Variants in ARFGEF1 observed in about 807,000 individuals in gnomAD.
ARFGEF1 encodes ARF guanine nucleotide exchange factor 1, also known as brefeldin A-inhibited guanine nucleotide-exchange protein 1.
In ARFGEF1, 42 loss-of-function variants were observed where a neutral mutation model predicts 231.0. That is an observed-to-expected ratio of 0.18 (90% CI 0.14 to 0.24). The LOEUF (loss-of-function observed/expected upper bound fraction) is 0.24. Ranked by LOEUF, ARFGEF1 falls within the 10% of genes least tolerant of loss-of-function variation. The pLI, the probability that ARFGEF1 is intolerant of heterozygous loss-of-function variation, is 1.00. For missense variants in ARFGEF1, 1,345 were observed against 2,192.0 expected (o/e 0.61, Z 7.72); for synonymous variants, 710 against 732.3 (o/e 0.97, Z 0.49).
chr8:67,279,091 C>A (rs1805429306), intron 7 of ARFGEF1, among the ~76,000 whole-genome samples: 2 of 151,922 alleles, frequency 1.3e-5, no homozygotes, highest in Admixed American at 6.6e-5. Context: ...TAGTGAGACA[C>A]CATTGCTACA....
intron 1 of ARFGEF1, among the ~76,000 whole-genome samples, chr8:67,311,050 A>G (rs1465004664): frequency 3.6e-5 from 4 of 112,378 alleles, no homozygotes; most frequent in East Asian, 3.0e-4. Context: ...CTGCCCGGCC[A>G]CCCCTACTGG....
Position 67,271,685 on chromosome 8 carries a change from C to T in ARFGEF1, c.1572+17G>A, listed in dbSNP as rs553028757. ...GAAATATCCAATAGTAACATTATGC[C>T]TAAATGCAAAACGTACCTCAATTTG... is the stretch of plus-strand genomic sequence containing the variant. On this transcript the variant is annotated intron_variant, in intron 10 of 38. Transcript: ENST00000262215. 4.5e-6 allele frequency: 7 copies of T among 1,548,904 alleles called. No individual in the cohort carries two copies. Among genetic ancestry groups the T allele is most frequent in the African/African-American group, 4.1e-5 (3 of 73,188 alleles).
chr8:67,333,105 A>G (rs1485606619), intron 1 of ARFGEF1, among the ~76,000 whole-genome samples: 1 of 149,362 alleles, frequency 6.7e-6, no homozygotes, highest in Non-Finnish European at 1.5e-5. Context: ...GCGCAATCTC[A>G]GCTTACTGCA....
chr8:67,228,148 AT>A lies in ARFGEF1; in HGVS notation c.3422-17del, dbSNP rs202087758. The A allele has an allele frequency of 4.8e-3, 6,293 of 1,323,968 alleles. 5 individuals carry two copies. Among genetic ancestry groups the A allele is most frequent in the South Asian group, 0.019 (1,297 of 68,800 alleles). 82.0% of individuals were successfully genotyped at this position (1,323,968 alleles called of 1,614,324 possible). A position where few individuals can be genotyped will look rare whatever the true frequency, so the allele number is the denominator to read the frequency against. On this transcript the variant is annotated splice_polypyrimidine_tract_variant and intron_variant, in intron 24 of 38. Transcript: ENST00000262215. ...ACAAAATCCACTGTAATATAAATACATTTTTTTTTTAGCTCAACATTAAAGT... is the reference window on the plus strand; with the variant it reads ...ACAAAATCCACTGTAATATAAATACATTTTTTTTTAGCTCAACATTAAAGT...
chr8:67,303,736 A>C (rs1806609394), intron 1 of ARFGEF1, among the ~76,000 whole-genome samples: 1 of 151,792 alleles, frequency 6.6e-6, no homozygotes, highest in Non-Finnish European at 1.5e-5. Context: ...AAAAATAATA[A>C]TTAATTAATA....
At chr8:67,201,680 C>A in intron 36 of ARFGEF1, 75 bp from the exon 37 acceptor site, 1 of 1,582,994 alleles carries the variant, frequency 6.3e-7, no homozygotes, top group Non-Finnish European at 8.6e-7. Context: ...CGTATGGAGG[C>A]ACATTTTGTT....
At chr8:67,233,831 A>C (rs1839630406) in intron 22 of ARFGEF1, among the ~76,000 whole-genome samples, 1 of 152,002 alleles carries the variant, frequency 6.6e-6, no homozygotes. Flanking sequence ...CCATCCCTCA[A>C]CTATCTAAAA....
chr8:67,302,973 C>CGCTA (rs1806567807), intron 1 of ARFGEF1, among the ~76,000 whole-genome samples: 1 of 149,934 alleles, frequency 6.7e-6, no homozygotes, highest in African/African-American at 2.5e-5. Context: ...GCCTACAGTC[C>CGCTA]TAGCTATGTG....
At chr8:67,258,472 CTGCT>C (rs1356523678) in intron 15 of ARFGEF1, among the ~76,000 whole-genome samples, 182 bp from the exon 16 acceptor site, 3 of 151,992 alleles carry the variant, frequency 2.0e-5, no homozygotes, top group African/African-American at 7.2e-5. Flanking sequence ...TTAAAGGCGC[CTGCT>C]ACTGCGCCCA....
Position 67,259,795 on chromosome 8 carries a change from A to T in ARFGEF1, c.2235+20T>A. The T allele has an allele frequency of 6.6e-7, 1 of 1,506,242 alleles. No homozygotes were observed. The allele number at this position is 1,506,242 out of a possible 1,614,324, so 93.3% of individuals were successfully genotyped here. A position where few individuals can be genotyped will look rare whatever the true frequency, so the allele number is the denominator to read the frequency against. The stretch of plus-strand genomic sequence containing the variant: ...CCAAGAATTTTACAGAAAAGGTTAG[A>T]ATGAAAATGGTATTCTTACAGAGTC... On this transcript the variant is annotated intron_variant, in intron 15 of 38. Coordinates refer to ENST00000262215, the MANE Select transcript of ARFGEF1 (RefSeq NM_006421.5).
At chr8:67,322,306 G>A (rs1162167561) in intron 1 of ARFGEF1, among the ~76,000 whole-genome samples, 2 of 152,030 alleles carry the variant, frequency 1.3e-5, no homozygotes, top group Admixed American at 6.6e-5. Flanking sequence ...GGGTTTATTC[G>A]GCTATTCATG....
chr8:67,242,554 C>T (rs1839963383), intron 19 of ARFGEF1, among the ~76,000 whole-genome samples: 1 of 152,172 alleles, frequency 6.6e-6, no homozygotes, highest in Non-Finnish European at 1.5e-5. Flanking sequence ...AGAGTGATAT[C>T]CAGATAGTAC....
rs1228384184 is a variant in ARFGEF1, at chr8:67,238,756, A to G, written c.3117T>C (p.Tyr1039=). The G allele has an allele frequency of 4.6e-5, 75 of 1,613,636 alleles. No individual in the cohort carries two copies. Among genetic ancestry groups the G allele is most frequent in the Non-Finnish European group, 6.0e-5 (71 of 1,179,848 alleles). Residue 1039 remains tyrosine (Y), a synonymous_variant, in exon 21 of 39, where the codon TAT becomes TAC. Coordinates refer to ENST00000262215, the MANE Select transcript of ARFGEF1 (RefSeq NM_006421.5). The part of the protein sequence containing the change: ...LITVAHTDGN[Y]LGNSWHEILK... ...ATACCTCATGCCATGAATTTCCTAA[A>G]TAATTTCCATCTGTATGAGCCACTG...
chr8:67,211,087 T>A (rs1838726323), intron 34 of ARFGEF1, among the ~76,000 whole-genome samples: 1 of 146,774 alleles, frequency 6.8e-6, no homozygotes, highest in Non-Finnish European at 1.5e-5. Context: ...TGGCTCACAC[T>A]GTAATCCCAG....
intron 17 of ARFGEF1, among the ~76,000 whole-genome samples, chr8:67,254,567 C>T (rs905313822): frequency 6.6e-5 from 10 of 151,982 alleles, no homozygotes; most frequent in South Asian, 4.1e-4. Flanking sequence ...GTTATGTGCC[C>T]GTAGTCCCAA....
chr8:67,225,666 G>T (rs983772910), intron 28 of ARFGEF1, among the ~76,000 whole-genome samples: 2 of 152,120 alleles, frequency 1.3e-5, no homozygotes, highest in Non-Finnish European at 2.9e-5. Context: ...AACACAGGCT[G>T]GGGCTCAAAC....
At chr8:67,228,366 G>T (rs950157048) in intron 23 of ARFGEF1, 102 bp from the exon 24 acceptor site, 7 of 1,139,126 alleles carry the variant, frequency 6.1e-6, no homozygotes, top group Admixed American at 2.4e-5. Flanking sequence ...ATGTTTTAAG[G>T]GAACAAAAAA....
chr8:67,283,529 A>G (rs1476377244), intron 7 of ARFGEF1, among the ~76,000 whole-genome samples: 1 of 152,172 alleles, frequency 6.6e-6, no homozygotes, highest in Non-Finnish European at 1.5e-5. Context: ...AATTATTTAA[A>G]AAATTATGTA....
intron 5 of ARFGEF1, among the ~76,000 whole-genome samples, chr8:67,294,289 G>A (rs1806136821): frequency 6.6e-6 from 1 of 152,090 alleles, no homozygotes; most frequent in Non-Finnish European, 1.5e-5. Flanking sequence ...ACTGAGGGAT[G>A]ACTGTAATTA....
Sources: allele counts gnomAD v4.1 joint callset (sites outside exome capture counted in the v4.1 genomes callset), GRCh38; gene constraint gnomAD v4.1.1; transcripts MANE v1.5; gene names NCBI Gene and HGNC (gene_info 2026-07-23, HGNC 2026-07-21).